Variants in PLCG2 observed in about 807,000 individuals in gnomAD.
PLCG2 encodes the protein 1-phosphatidylinositol 4,5-bisphosphate phosphodiesterase gamma-2.
PLCG2 carries 69 observed loss-of-function variants against 175.6 expected under a neutral mutation model. The observed-to-expected ratio is 0.39, with a 90% CI of 0.32 to 0.48. PLCG2 has a LOEUF of 0.48. Ranked by LOEUF, PLCG2 falls within the 20% of genes least tolerant of loss-of-function variation. The pLI is 0.91. For missense variants in PLCG2, 1,798 were observed against 1,650.9 expected (o/e 1.09, Z -1.54); for synonymous variants, 827 against 624.0 (o/e 1.33, Z -4.85).
intron 5 of PLCG2, among the ~76,000 whole-genome samples, chr16:81,863,919 C>A (rs1907103559): frequency 6.6e-6 from 1 of 152,170 alleles, no homozygotes; most frequent in Non-Finnish European, 1.5e-5. Flanking sequence ...AGCGTGAATG[C>A]AAATAGGCTT....
chr16:81,908,451 A>C lies in PLCG2; in HGVS notation c.1593A>C (p.Lys531Asn). The C allele has an allele frequency of 6.2e-7, 1 of 1,614,054 alleles. No homozygotes were observed. The highest frequency in any genetic ancestry group is 8.5e-7 in the Non-Finnish European group (1 of 1,179,994). The change falls in exon 17 of 33, where the codon AAA (lysine) becomes AAC (asparagine). Residue 531 changes from lysine to asparagine, a missense_variant. By Grantham distance (94) the Lys-to-Asn change is moderately conservative (BLOSUM62 0). Transcript: ENST00000564138. ...CTACAGAACTACATTTTGGGGAGAA[A>C]TGGTTCCACAAGAAGGTGGAGAAGA... Reference protein sequence around the residue: ...IPPTELHFGEKWFHKKVEKRT... With the variant: ...IPPTELHFGENWFHKKVEKRT...
rs115148168 is a variant in PLCG2 at position 81,792,742 on chromosome 16, G to A, written c.193+6560G>A. Among the ~76,000 whole-genome samples the A allele has an allele frequency of 8.2e-3, 1,240 of 152,030 alleles. 22 individuals are homozygous for A. The highest frequency in any genetic ancestry group is 0.028 in the African/African-American group (1,176 of 41,446). On this transcript the variant is annotated intron_variant, in intron 2 of 32. Transcript: ENST00000564138. ...CTCATGAGAATTTACTCACTATCAC[G>A]AGAACAGCATGGAGGTAACCGGCCC...
chr16:81,822,419 C>T (rs1166936437), intron 2 of PLCG2, among the ~76,000 whole-genome samples: 1 of 152,138 alleles, frequency 6.6e-6, no homozygotes, highest in Non-Finnish European at 1.5e-5. Flanking sequence ...GGAGAGTATT[C>T]TGGGTTACCC....
intron 5 of PLCG2, among the ~76,000 whole-genome samples, chr16:81,860,178 T>TATTA (rs1285440736): frequency 3.3e-4 from 38 of 113,884 alleles, no homozygotes; most frequent in South Asian, 1.1e-3. Flanking sequence ...TATTATTTTT[T>TATTA]TTTTTTTTTG....
Position 81,870,966 on chromosome 16 carries a change from G to T in PLCG2, c.648+31G>T, listed in dbSNP as rs60883524. On this transcript the variant is annotated intron_variant, in intron 7 of 32. Transcript: ENST00000564138. ...ATGATTCTTGAGCAAGTGATCAAGT[G>T]ATGTTTCTGTTTTCCATGTATTTCC... 3.2e-5 allele frequency: 39 copies of T among 1,209,580 alleles called. No individual in the cohort carries two copies. The African/African-American group carries it at 5.0e-4, about 15-fold the overall frequency. The allele number at this position is 1,209,580 out of a possible 1,614,324, so 74.9% of individuals were successfully genotyped here. A position where few individuals can be genotyped will look rare whatever the true frequency, so the allele number is the denominator to read the frequency against.
chr16:81,784,742 T>G (rs955706553), intron 1 of PLCG2, among the ~76,000 whole-genome samples: 3 of 152,198 alleles, frequency 2.0e-5, no homozygotes, highest in East Asian at 3.9e-4. Context: ...AGATGGTGGA[T>G]ACTGTTACCT....
chr16:81,868,157 C>A (rs1907338228), intron 5 of PLCG2, among the ~76,000 whole-genome samples: 1 of 152,204 alleles, frequency 6.6e-6, no homozygotes, highest in South Asian at 2.1e-4. Context: ...GACACCCCAC[C>A]CTTGGCTGTT....
At chr16:81,771,337 C>G (rs537433891) in intron 2 of PLCG2, among the ~76,000 whole-genome samples, 1 of 152,318 alleles carries the variant, frequency 6.6e-6, no homozygotes, top group Admixed American at 6.5e-5. Context: ...AAGGGATCCT[C>G]CCATCTCAGC....
intron 2 of PLCG2, among the ~76,000 whole-genome samples, chr16:81,819,832 C>T (rs1014643682): frequency 5.9e-5 from 9 of 152,184 alleles, no homozygotes; most frequent in African/African-American, 2.2e-4. Context: ...GATCTGCCCG[C>T]CTCAGCCTCC....
intron 1 of PLCG2, among the ~76,000 whole-genome samples, chr16:81,753,022 A>T (rs1909843518): frequency 6.6e-6 from 1 of 152,220 alleles, no homozygotes; most frequent in Non-Finnish European, 1.5e-5. Context: ...CAAGTGCTTA[A>T]TAATGGTATG....
chr16:81,788,564 G>C (rs745770299), intron 2 of PLCG2, among the ~76,000 whole-genome samples: 1 of 152,182 alleles, frequency 6.6e-6, no homozygotes, highest in Non-Finnish European at 1.5e-5. Context: ...TGCCCCCACT[G>C]TCTGTTTCAG....
upstream of PLCG2, among the ~76,000 whole-genome samples, chr16:81,778,020 AAAAAAAAAAAAC>A (rs1910489176): frequency 1.5e-5 from 1 of 66,658 alleles, no homozygotes; most frequent in Non-Finnish European, 2.9e-5. Context: ...TTGTCTCAAA[AAAAAAAAAAAAC>A]AAAAAAAAAA....
intron 5 of PLCG2, among the ~76,000 whole-genome samples, chr16:81,865,508 G>T (rs2143513608): frequency 6.6e-6 from 1 of 152,296 alleles, no homozygotes; most frequent in East Asian, 1.9e-4. Context: ...CCATGTCCCA[G>T]GTGCTTGGAT....
chr16:81,942,779 T>A (rs1370968421), intron 30 of PLCG2, among the ~76,000 whole-genome samples: 1 of 152,164 alleles, frequency 6.6e-6, no homozygotes, highest in Non-Finnish European at 1.5e-5. Context: ...TCTAATTAAT[T>A]TCGAACCCCG....
At chr16:81,938,679 C>T in intron 28 of PLCG2, 122 bp from the exon 29 acceptor site, 1 of 620,910 alleles carries the variant, frequency 1.6e-6, no homozygotes, top group Non-Finnish European at 2.9e-6. Context: ...TCCAGTGAAT[C>T]TAGGAAAATT....
At chr16:81,857,616 T>C (rs1597357663) in intron 3 of PLCG2, among the ~76,000 whole-genome samples, 1 of 147,746 alleles carries the variant, frequency 6.8e-6, no homozygotes, top group African/African-American at 2.4e-5. Context: ...TGTGCTTGGA[T>C]AGAGAGGGAG....
intron 1 of PLCG2, among the ~76,000 whole-genome samples, chr16:81,752,461 CG>C (rs1165347625): frequency 6.6e-6 from 1 of 152,144 alleles, no homozygotes; most frequent in Non-Finnish European, 1.5e-5. Context: ...GGCGGCTGGC[CG>C]TGGCAGCACT....
intron 7 of PLCG2, among the ~76,000 whole-genome samples, chr16:81,878,426 G>C (rs780129856): frequency 7.2e-5 from 11 of 152,170 alleles, no homozygotes; most frequent in South Asian, 4.1e-4. Context: ...TTAGGACTTG[G>C]ACATATATTC....
At chr16:81,774,747 T>G (rs1356392750), upstream of PLCG2, among the ~76,000 whole-genome samples, 4 of 151,554 alleles carry the variant, frequency 2.6e-5, no homozygotes, top group African/African-American at 4.8e-5. Flanking sequence ...TAAGGGTGTT[T>G]TTTTTTTTTT....
Sources: gnomAD v4.1 joint callset for allele counts (sites outside exome capture counted in the v4.1 genomes callset) on GRCh38, gnomAD v4.1.1 for gene constraint, MANE v1.5 for transcripts, NCBI Gene and HGNC (gene_info 2026-07-23, HGNC 2026-07-21) for gene names.